The following SOX5 variants were observed in gnomAD, a reference collection of about 807,000 sequenced individuals.
SOX5 encodes transcription factor SOX-5.
A neutral mutation model predicts 92.0 loss-of-function variants in SOX5; 9 were observed. That is an observed-to-expected ratio of 0.10 (90% CI 0.06 to 0.17). The LOEUF is 0.17. Among genes scored for constraint, SOX5 ranks in the 10% least tolerant of loss-of-function variants. The probability of loss-of-function intolerance (pLI) is 1.00; values close to 1 mark genes in which losing one functional copy is unlikely to be tolerated. For synonymous variants in SOX5, 344 were observed against 336.3 expected (o/e 1.02, Z -0.25); for missense variants, 642 against 944.5 (o/e 0.68, Z 4.20).
intron 1 of SOX5, among the ~76,000 whole-genome samples, chr12:24,529,583 T>G (rs1950996388): frequency 6.6e-6 from 1 of 152,188 alleles, no homozygotes. Context: ...ATGAAGGTCA[T>G]GGGAGATATC....
intron 2 of SOX5, among the ~76,000 whole-genome samples, chr12:24,352,115 T>C (rs1954163976): frequency 6.6e-6 from 1 of 152,202 alleles, no homozygotes; most frequent in South Asian, 2.1e-4. Flanking sequence ...CAGATTTATT[T>C]TGAGGAGTAT....
At chr12:23,550,607 TAAC>T (rs1156679471) in intron 11 of SOX5, among the ~76,000 whole-genome samples, 1 of 151,922 alleles carries the variant, frequency 6.6e-6, no homozygotes, top group Admixed American at 6.6e-5. Flanking sequence ...GGAATTTTAG[TAAC>T]AACTCTAAAT....
At chr12:23,738,293 A>G (rs2093675830) in intron 5 of SOX5, 1 of 152,276 alleles carries the variant, frequency 6.6e-6, no homozygotes, top group East Asian at 1.9e-4. Context: ...AAAAGACTAC[A>G]GGAGAAGACG....
intron 11 of SOX5, among the ~76,000 whole-genome samples, chr12:23,557,030 A>T (rs1433172810): frequency 2.0e-5 from 3 of 152,186 alleles, no homozygotes; most frequent in Non-Finnish European, 4.4e-5. Context: ...TTTATTATTA[A>T]ACATCCACAT....
intron 3 of SOX5, among the ~76,000 whole-genome samples, chr12:23,792,281 G>GT (rs1234620234): frequency 7.9e-5 from 12 of 151,914 alleles, no homozygotes; most frequent in Non-Finnish European, 1.6e-4. Flanking sequence ...AGGAAAAATA[G>GT]TAATGACCCA....
At chr12:23,875,060 C>A (rs1463031457) in intron 2 of SOX5, among the ~76,000 whole-genome samples, 1 of 152,128 alleles carries the variant, frequency 6.6e-6, no homozygotes, top group African/African-American at 2.4e-5. Context: ...AAGGTTATGA[C>A]CACAAGACAG....
intron 9 of SOX5, among the ~76,000 whole-genome samples, chr12:23,593,106 A>G (rs1951818793): frequency 1.3e-5 from 2 of 151,930 alleles, no homozygotes; most frequent in African/African-American, 4.8e-5. Context: ...TAAATAAATT[A>G]CTGTTTCCTT....
intron 2 of SOX5, among the ~76,000 whole-genome samples, chr12:24,304,658 T>C (rs1948373096): frequency 6.6e-6 from 1 of 152,142 alleles, no homozygotes. Flanking sequence ...CTCCTGACCA[T>C]TTTCAATATA....
chr12:23,861,820 A>T (rs1287623992), intron 2 of SOX5, among the ~76,000 whole-genome samples: 1 of 152,124 alleles, frequency 6.6e-6, no homozygotes, highest in African/African-American at 2.4e-5. Context: ...AGCTCCTTAC[A>T]AAAGTCCTTT....
At chr12:24,507,925 T>G (rs911508127) in intron 1 of SOX5, among the ~76,000 whole-genome samples, 1 of 152,144 alleles carries the variant, frequency 6.6e-6, no homozygotes, top group Non-Finnish European at 1.5e-5. Context: ...TACCAAGTTA[T>G]ACAGGAGAGC....
chr12:24,023,720 C>T (rs920822441), intron 4 of SOX5, among the ~76,000 whole-genome samples: 2 of 152,002 alleles, frequency 1.3e-5, no homozygotes, highest in African/African-American at 4.8e-5. Flanking sequence ...AATTAAATGT[C>T]ATATGCTCAG....
intron 1 of SOX5, among the ~76,000 whole-genome samples, chr12:24,448,514 A>G (rs1941824323): frequency 6.6e-6 from 1 of 152,200 alleles, no homozygotes; most frequent in Non-Finnish European, 1.5e-5. Context: ...TGTAGAGGAG[A>G]CAAGTATTTG....
intron 9 of SOX5, among the ~76,000 whole-genome samples, chr12:23,601,481 G>T (rs1046361199): frequency 7.2e-5 from 11 of 152,066 alleles, no homozygotes; most frequent in African/African-American, 2.7e-4. Flanking sequence ...TGCCAGGTAG[G>T]TATGTAGACA....
chr12:23,726,669 C>A (rs956079466), intron 6 of SOX5, among the ~76,000 whole-genome samples: 5 of 152,028 alleles, frequency 3.3e-5, no homozygotes, highest in African/African-American at 9.7e-5. Flanking sequence ...ACTACAGAGC[C>A]TCAGTGAGAA....
At chr12:24,048,767 C>T (rs1957279789) in intron 4 of SOX5, among the ~76,000 whole-genome samples, 1 of 152,138 alleles carries the variant, frequency 6.6e-6, no homozygotes, top group Non-Finnish European at 1.5e-5. Flanking sequence ...CAAAATATCA[C>T]ATACAATATG....
chr12:23,576,899 A>G (rs1949205799), intron 9 of SOX5, among the ~76,000 whole-genome samples: 1 of 151,786 alleles, frequency 6.6e-6, no homozygotes, highest in Non-Finnish European at 1.5e-5. Context: ...ATATTATTGT[A>G]GAATAAAAAT....
intron 2 of SOX5, among the ~76,000 whole-genome samples, chr12:23,886,558 T>A (rs1240895521): frequency 6.6e-6 from 1 of 152,010 alleles, no homozygotes; most frequent in Non-Finnish European, 1.5e-5. Context: ...TTGGATTCTG[T>A]CAGGTGGCTG....
intron 6 of SOX5, among the ~76,000 whole-genome samples, chr12:23,708,367 CAGA>C (rs773157183): frequency 4.0e-5 from 6 of 148,902 alleles, no homozygotes; most frequent in Admixed American, 6.7e-5. Context: ...GTGTGGAGAA[CAGA>C]AGAACGATTA....
At chr12:24,299,630 T>A (rs568063315) in intron 2 of SOX5, among the ~76,000 whole-genome samples, 1 of 152,256 alleles carries the variant, frequency 6.6e-6, no homozygotes, top group Non-Finnish European at 1.5e-5. Flanking sequence ...CACTAGACAG[T>A]TTATGTGGTA....
Sources: gnomAD v4.1 joint callset for allele counts (sites outside exome capture counted in the v4.1 genomes callset) on GRCh38, gnomAD v4.1.1 for gene constraint, MANE v1.5 for transcripts, NCBI Gene and HGNC (gene_info 2026-07-23, HGNC 2026-07-21) for gene names.